The following CDH10 variants were observed in gnomAD, a reference collection of about 807,000 sequenced individuals.
CDH10 encodes cadherin 10, also known as cadherin-10.
A neutral mutation model predicts 73.1 loss-of-function variants in CDH10; 30 were observed. The observed-to-expected ratio is 0.41, with a 90% CI of 0.31 to 0.56. CDH10 has a LOEUF of 0.56. Ranked by LOEUF, CDH10 falls within the 20% of genes least tolerant of loss-of-function variation. The probability of loss-of-function intolerance (pLI) is 0.27; values close to 1 mark genes in which losing one functional copy is unlikely to be tolerated. For synonymous variants in CDH10, 345 were observed against 348.2 expected, an observed-to-expected ratio of 0.99 and a Z score of 0.10; for missense variants, 815 against 973.7, an observed-to-expected ratio of 0.84 and a Z score of 2.17.
At chr5:24,600,706 G>A (rs116675743) in intron 1 of CDH10, among the ~76,000 whole-genome samples, 7 of 152,216 alleles carry the variant, frequency 4.6e-5, no homozygotes, top group South Asian at 2.1e-4. Context: ...GAGAAAGTGC[G>A]TTTCATGAAT....
chr5:24,643,592 C>A (rs1354963515), intron 1 of CDH10, among the ~76,000 whole-genome samples: 3 of 151,630 alleles, frequency 2.0e-5, no homozygotes, highest in Non-Finnish European at 4.4e-5. Flanking sequence ...AATGGATGTG[C>A]AGTTTTGGAT....
chr5:24,622,063 C>CAT, intron 1 of CDH10, among the ~76,000 whole-genome samples: 1 of 152,154 alleles, frequency 6.6e-6, no homozygotes. Flanking sequence ...CCAAGAGAGA[C>CAT]ATTTGCACAG....
intron 2 of CDH10, among the ~76,000 whole-genome samples, chr5:24,556,890 T>C (rs1474850854): frequency 2.6e-5 from 4 of 151,870 alleles, no homozygotes; most frequent in African/African-American, 9.6e-5. Flanking sequence ...TCTAGAGATG[T>C]ACACAAAAAG....
At chr5:24,506,330 C>T (rs888321214) in intron 7 of CDH10, among the ~76,000 whole-genome samples, 1 of 152,088 alleles carries the variant, frequency 6.6e-6, no homozygotes, top group African/African-American at 2.4e-5. Flanking sequence ...TTAAATAGAT[C>T]CCATTATCTT....
chr5:24,636,199 C>T (rs569303911), intron 1 of CDH10, among the ~76,000 whole-genome samples: 2 of 151,894 alleles, frequency 1.3e-5, no homozygotes, highest in African/African-American at 2.4e-5. Context: ...TGACAATTGT[C>T]CTATGATGTA....
At chr5:24,610,195 T>C (rs1746897855) in intron 1 of CDH10, among the ~76,000 whole-genome samples, 1 of 152,208 alleles carries the variant, frequency 6.6e-6, no homozygotes, top group African/African-American at 2.4e-5. Context: ...TGCTTAGCAA[T>C]GTACCTTCAC....
intron 1 of CDH10, among the ~76,000 whole-genome samples, chr5:24,627,745 CTTTA>C (rs1747559773): frequency 6.6e-6 from 1 of 151,998 alleles, no homozygotes; most frequent in African/African-American, 2.4e-5. Flanking sequence ...AATAGCTATC[CTTTA>C]TTTATTTGCT....
intron 1 of CDH10, among the ~76,000 whole-genome samples, chr5:24,601,452 G>A (rs558755393): frequency 4.8e-4 from 73 of 152,224 alleles, no homozygotes; most frequent in African/African-American, 1.7e-3. Context: ...ACATGCTAAT[G>A]TCCTTATCTA....
At chr5:24,584,091 T>C (rs976346290) in intron 2 of CDH10, among the ~76,000 whole-genome samples, 1 of 152,152 alleles carries the variant, frequency 6.6e-6, no homozygotes, top group Non-Finnish European at 1.5e-5. Context: ...TTTTCTTAAT[T>C]ATAAATGAAA....
intron 2 of CDH10, among the ~76,000 whole-genome samples, chr5:24,553,595 G>A (rs1033803665): frequency 6.6e-6 from 1 of 152,032 alleles, no homozygotes; most frequent in African/African-American, 2.4e-5. Flanking sequence ...AATTTCCAAA[G>A]ACAATTTTTA....
At chr5:24,533,187 C>T (rs1743810804) in intron 5 of CDH10, among the ~76,000 whole-genome samples, 1 of 151,848 alleles carries the variant, frequency 6.6e-6, no homozygotes. Flanking sequence ...ATTATTTGGG[C>T]ATGGTGGCAT....
intron 1 of CDH10, among the ~76,000 whole-genome samples, chr5:24,632,717 GC>G (rs1209008219): frequency 5.9e-5 from 9 of 151,936 alleles, no homozygotes; most frequent in African/African-American, 2.2e-4. Context: ...AGATTTGTAT[GC>G]AATTTTATAA....
intron 1 of CDH10, among the ~76,000 whole-genome samples, chr5:24,602,661 A>T (rs938296312): frequency 6.6e-6 from 1 of 152,130 alleles, no homozygotes; most frequent in African/African-American, 2.4e-5. Context: ...TCCCTTAATG[A>T]CCTTTAATGG....
rs545638636 is a variant in CDH10 at position 24,593,387 on chromosome 5, C to A, written c.104G>T (p.Arg35Ile). The part of the protein sequence containing the change: ...MFRRTPVPQQ[R>I]ILSSRVPRSD... ...CCTTGGTACACGTGAACTTAAAATT[C>A]TTTGCTGTGGCACAGGCGTCCTTCT... The change falls in exon 2 of 12, where the codon AGA becomes ATA. Residue 35 changes from arginine to isoleucine, a missense_variant. Arg to Ile is a moderately conservative substitution (Grantham distance 97). This residue lies in a region of CDH10 where 58 missense variants were observed against 96.7 expected (regional missense o/e 0.60). Transcript: ENST00000264463. 26 of 1,612,608 alleles carry A rather than the reference C, an allele frequency of 1.6e-5. No homozygotes were observed. In the South Asian group the frequency reaches 2.6e-4, roughly 16 times the overall value.
In CDH10 at chr5:24,558,100, G is replaced by A. The variant is rs193150137; in HGVS notation, c.232-20426C>T. On this transcript the variant is annotated intron_variant, in intron 2 of 11. Coordinates refer to ENST00000264463, the MANE Select transcript of CDH10 (RefSeq NM_006727.5). ...AAAAGACAAAATATATTTTGAGAAT[G>A]TAGAATAATAAGTACAAGGTTAACC... 8.9e-4 allele frequency among the ~76,000 whole-genome samples: 135 copies of A among 151,866 alleles called. 1 individual carries two copies. The highest frequency in any genetic ancestry group is 8.0e-3 in the Admixed American group (122 of 15,222).
chr5:24,624,644 T>G (rs2112177081), intron 1 of CDH10, among the ~76,000 whole-genome samples: 1 of 152,292 alleles, frequency 6.6e-6, no homozygotes, highest in South Asian at 2.1e-4. Flanking sequence ...AGGTTCAGAA[T>G]GGAATTTAGA....
chr5:24,605,176 A>G (rs539906748), intron 1 of CDH10, among the ~76,000 whole-genome samples: 14 of 152,340 alleles, frequency 9.2e-5, no homozygotes, highest in African/African-American at 3.1e-4. Context: ...ACTACATTAA[A>G]TTAAAATAGC....
intron 1 of CDH10, among the ~76,000 whole-genome samples, chr5:24,601,476 C>A (rs939330589): frequency 6.6e-6 from 1 of 152,088 alleles, no homozygotes; most frequent in African/African-American, 2.4e-5. Context: ...GACATCCCAG[C>A]TAGCTTCCAG....
chr5:24,508,764 C>T (rs993024991), intron 7 of CDH10, among the ~76,000 whole-genome samples: 5 of 152,142 alleles, frequency 3.3e-5, no homozygotes, highest in Admixed American at 2.6e-4. Context: ...AGCAATATGT[C>T]CAACATGGCT....
Sources: gnomAD v4.1 joint callset for allele counts (sites outside exome capture counted in the v4.1 genomes callset) on GRCh38, gnomAD v4.1.1 for gene constraint, gnomAD v4.1.1 regional missense constraint, MANE v1.5 for transcripts, NCBI Gene and HGNC (gene_info 2026-07-23, HGNC 2026-07-21) for gene names.